ACOT12: variants seen among roughly 807,000 people sequenced by gnomAD.
The protein encoded by ACOT12 is acetyl-coenzyme A thioesterase.
In ACOT12, 51 loss-of-function variants were observed where a neutral mutation model predicts 67.7. That is an observed-to-expected ratio of 0.75 (90% confidence interval 0.60 to 0.95). The LOEUF is 0.95. ACOT12 is among the 40% of genes least tolerant of loss of function. ACOT12 has a pLI of 0.00. For missense variants in ACOT12, 734 were observed against 708.1 expected (o/e 1.04, Z -0.41); for synonymous variants, 251 against 244.6 (o/e 1.03, Z -0.24).
At chr5:81,335,609 C>G (rs986153247) in intron 12 of ACOT12, among the ~76,000 whole-genome samples, 159 bp downstream of exon 12, 3 of 152,208 alleles carry the variant, frequency 2.0e-5, no homozygotes, top group African/African-American at 7.2e-5. Flanking sequence ...AACTATCCAC[C>G]TGCCTCAGCC....
At chr5:81,315,344 C>T in the ACOT12 span, among the ~76,000 whole-genome samples, 1 of 152,130 alleles carries the variant, frequency 6.6e-6, no homozygotes, top group African/African-American at 2.4e-5. Context: ...TGCTTATTTC[C>T]TTCAGGCATC....
At chr5:81,321,958 T>C in the ACOT12 span, among the ~76,000 whole-genome samples, 448 of 151,782 alleles carry the variant, frequency 3.0e-3, 3 homozygotes, top group African/African-American at 9.9e-3. Flanking sequence ...AAAAGAAAGA[T>C]AAGGTGAACA....
chr5:81,331,270 G>A (rs1350082384), intron 13 of ACOT12, among the ~76,000 whole-genome samples: 1 of 152,230 alleles, frequency 6.6e-6, no homozygotes, highest in African/African-American at 2.4e-5. Context: ...GGGTGCAGTG[G>A]CTCACGCCTG....
At chr5:81,366,530 A>G (rs1047863553) in intron 3 of ACOT12, among the ~76,000 whole-genome samples, 4 of 152,304 alleles carry the variant, frequency 2.6e-5, no homozygotes, top group South Asian at 2.1e-4. Flanking sequence ...CATGGACTCT[A>G]TTGCCACTAC....
the ACOT12 span, chr5:81,311,123 G>A: frequency 1.5e-6 from 2 of 1,326,878 alleles, no homozygotes; most frequent in Non-Finnish European, 2.2e-6. Context: ...AGGGTTGTGA[G>A]GATCCAGTAA....
chr5:81,337,082 A>G (rs148891169), intron 11 of ACOT12, among the ~76,000 whole-genome samples: 2,704 of 152,286 alleles, frequency 0.018, 87 homozygotes, highest in African/African-American at 0.061. Flanking sequence ...CACCCTACTT[A>G]GCATGGGCAT....
intron 14 of ACOT12, 76 bp downstream of exon 14, chr5:81,330,738 G>T: frequency 6.4e-7 from 1 of 1,568,320 alleles, no homozygotes; most frequent in South Asian, 1.2e-5. Context: ...CAATTAATTA[G>T]GACATCTGGG....
chr5:81,379,685 C>A (rs944731311), intron 2 of ACOT12, among the ~76,000 whole-genome samples: 5 of 152,092 alleles, frequency 3.3e-5, no homozygotes, highest in African/African-American at 1.2e-4. Context: ...ACGACATTAC[C>A]CTACTCAGGT....
At chr5:81,331,488 G>C (rs1758826694) in intron 13 of ACOT12, among the ~76,000 whole-genome samples, 1 of 152,236 alleles carries the variant, frequency 6.6e-6, no homozygotes, top group Non-Finnish European at 1.5e-5. Context: ...AGTGAGCTGA[G>C]ATTGTGCCAT....
Position 81,330,826 on chromosome 5 carries a change from G to T in ACOT12, c.1506C>A (p.Ser502Arg), listed in dbSNP as rs770338667. 15 of 1,613,768 alleles carry T rather than the reference G, an allele frequency of 9.3e-6. No homozygotes were observed. Among genetic ancestry groups the T allele is most frequent in the Non-Finnish European group, 1.2e-5 (14 of 1,179,888 alleles). ...CAGFLIHAIDSNSCIVSYFNH... is the reference protein window; with the variant it reads ...CAGFLIHAIDRNSCIVSYFNH... ...TCATCAAACTTACGATGCATGAATT[G>T]CTGTCAATAGCATGGATGAGAAATC... The change falls in exon 14 of 15, where the codon AGC becomes AGA. Residue 502 changes from serine (S) to arginine (R), a missense_variant. Transcript: ENST00000307624.
intron 5 of ACOT12, among the ~76,000 whole-genome samples, chr5:81,349,461 G>T (rs1480223468): frequency 1.3e-5 from 2 of 151,940 alleles, no homozygotes; most frequent in Non-Finnish European, 2.9e-5. Context: ...CAGGGCATTT[G>T]TCACATCCCT....
downstream of ACOT12, among the ~76,000 whole-genome samples, chr5:81,325,132 T>C (rs1214543364): frequency 6.6e-6 from 1 of 152,148 alleles, no homozygotes; most frequent in Non-Finnish European, 1.5e-5. Context: ...GGTAGAGATA[T>C]TTCATCCATT....
chr5:81,388,352 C>T (rs1011580634), intron 1 of ACOT12, among the ~76,000 whole-genome samples: 3 of 152,278 alleles, frequency 2.0e-5, no homozygotes, highest in Non-Finnish European at 2.9e-5. Context: ...TCATTACATG[C>T]GTGCTGTGTT....
At chr5:81,369,620 G>A (rs889779614) in intron 3 of ACOT12, among the ~76,000 whole-genome samples, 9 of 152,210 alleles carry the variant, frequency 5.9e-5, no homozygotes, top group African/African-American at 1.9e-4. Flanking sequence ...TGGAAAGTCA[G>A]TGGAGGCTAG....
chr5:81,336,034 C>T lies in ACOT12; in HGVS notation c.1129-133G>A, dbSNP rs956709087. The T allele has an allele frequency of 1.2e-5, 12 of 977,246 alleles. No homozygotes were observed. The Middle Eastern group carries it at 1.0e-3, about 81-fold the overall frequency. 60.5% of individuals were successfully genotyped at this position (977,246 alleles called of 1,614,324 possible). A position where few individuals can be genotyped will look rare whatever the true frequency, so the allele number is the denominator to read the frequency against. On this transcript the variant is annotated intron_variant, in intron 11 of 14. Coordinates refer to ENST00000307624, the MANE Select transcript of ACOT12 (RefSeq NM_130767.3). ...CTTATTTCCTGGATGAAATTGAAGCCCCATGGCAATTTCTCTTCAAATACT... is the reference window on the plus strand; with the variant it reads ...CTTATTTCCTGGATGAAATTGAAGCTCCATGGCAATTTCTCTTCAAATACT...
chr5:81,386,995 A>ATTTTTTTTTTTT (rs869281800), intron 1 of ACOT12, among the ~76,000 whole-genome samples: 7 of 81,332 alleles, frequency 8.6e-5, no homozygotes, highest in Non-Finnish European at 1.6e-4. Context: ...GATGAGTTCC[A>ATTTTTTTTTTTT]TTTTTTTTTT....
chr5:81,377,916 G>C (rs1169668479), intron 2 of ACOT12, among the ~76,000 whole-genome samples: 1 of 152,170 alleles, frequency 6.6e-6, no homozygotes. Flanking sequence ...ACTGCCCAAA[G>C]TAATTTATAG....
intron 2 of ACOT12, among the ~76,000 whole-genome samples, chr5:81,377,099 T>C (rs1034902073): frequency 4.6e-5 from 7 of 152,172 alleles, no homozygotes; most frequent in Non-Finnish European, 7.3e-5. Context: ...AATAAAATAC[T>C]GGCAAACCGA....
At chr5:81,369,348 T>A (rs988951588) in intron 3 of ACOT12, among the ~76,000 whole-genome samples, 5 of 152,174 alleles carry the variant, frequency 3.3e-5, no homozygotes, top group Non-Finnish European at 5.9e-5. Flanking sequence ...CAGGGAGAAG[T>A]CAGTCATTTA....
Sources: allele counts gnomAD v4.1 joint callset (sites outside exome capture counted in the v4.1 genomes callset), GRCh38; gene constraint gnomAD v4.1.1; transcripts MANE v1.5; gene names NCBI Gene and HGNC (gene_info 2026-07-23, HGNC 2026-07-21).